Variants in ZPBP observed in about 807,000 individuals in gnomAD.
The protein encoded by ZPBP is zona pellucida-binding protein 1.
A neutral mutation model predicts 44.8 loss-of-function variants in ZPBP; 26 were observed. The ratio of observed to expected loss-of-function variants is 0.58; its 90% CI spans 0.43 to 0.81. The LOEUF (loss-of-function observed/expected upper bound fraction) is 0.81, where lower values mean the gene tolerates loss of function less well. Among genes scored for constraint, ZPBP ranks in the 30% least tolerant of loss-of-function variants. The pLI is 0.00. For synonymous variants in ZPBP, 174 were observed against 153.2 expected, an observed-to-expected ratio of 1.14 and a Z score of -1.00; for missense variants, 409 against 434.0, an observed-to-expected ratio of 0.94 and a Z score of 0.51.
chr7:50,092,992 C>A (rs1408243128), intron 1 of ZPBP, 76 bp downstream of exon 1: 3 of 1,543,316 alleles, frequency 1.9e-6, no homozygotes, highest in Non-Finnish European at 1.7e-6. Flanking sequence ...GCACGTGACA[C>A]AAGAAAAGGC....
At chr7:49,943,315 TG>T in intron 7 of ZPBP, 1 of 285,714 alleles carries the variant, frequency 3.5e-6, no homozygotes, top group South Asian at 3.6e-5. Flanking sequence ...GCACAATGTC[TG>T]TCTTCAAGTC....
At chr7:49,843,865 GA>G in the ZPBP span, among the ~76,000 whole-genome samples, 1 of 152,090 alleles carries the variant, frequency 6.6e-6, no homozygotes. Context: ...AGGATGAATG[GA>G]AAAAAGAAGA....
intron 7 of ZPBP, chr7:49,942,389 C>A: frequency 6.2e-6 from 1 of 162,052 alleles, no homozygotes; most frequent in Non-Finnish European, 1.4e-5. Context: ...CTGTACTGCT[C>A]ACTTCCATTC....
intron 1 of ZPBP, among the ~76,000 whole-genome samples, chr7:49,911,081 C>T (rs10273558): frequency 6.6e-6 from 1 of 152,246 alleles, no homozygotes; most frequent in South Asian, 2.1e-4. Flanking sequence ...CTTTGAAGGT[C>T]TTAGTTATGC....
chr7:49,970,465 ACTTTTTTTTTTTTTTTTTTTTTTTTTTTT>A, intron 7 of ZPBP, among the ~76,000 whole-genome samples: 2 of 119,344 alleles, frequency 1.7e-5, no homozygotes, highest in African/African-American at 6.7e-5. Context: ...AGCTGAATAT[ACTTTTTTTTTTTTTTTTTTTTTTTTTTTT>A]TTTTTTTTTT....
chr7:50,047,165 A>C (rs1800413539), intron 4 of ZPBP, among the ~76,000 whole-genome samples: 1 of 152,062 alleles, frequency 6.6e-6, no homozygotes, highest in South Asian at 2.1e-4. Context: ...GAGCTAGGGG[A>C]GGGATAGCAT....
intron 7 of ZPBP, among the ~76,000 whole-genome samples, chr7:49,976,733 A>G (rs1379032777): frequency 6.6e-6 from 1 of 152,180 alleles, no homozygotes; most frequent in East Asian, 1.9e-4. Context: ...TCTTCATGAT[A>G]TTGTTAATTC....
In ZPBP at chr7:49,856,289, A is replaced by G. The variant is rs572565408; in HGVS notation, n.510-5775T>C. On this transcript the variant is annotated intron_variant and non_coding_transcript_variant, in intron 2 of 2. Transcript: ENST00000465922. ...CCCCTTGGTAATGAGTGGGTTCTCA[A>G]TCTATTATCTCAAGTGAAATCTGGT... 3.3e-4 allele frequency among the ~76,000 whole-genome samples: 50 copies of G among 152,204 alleles called. 1 individual carries two copies. The South Asian group carries it at 9.6e-3, about 29-fold the overall frequency.
In ZPBP at chr7:49,922,678, G is replaced by GA. The variant is rs1794072586; in HGVS notation, n.411+13072dup. 2.0e-5 allele frequency among the ~76,000 whole-genome samples: 3 copies of GA among 152,116 alleles called. No individual in the cohort carries two copies. In the South Asian group the frequency reaches 6.2e-4, roughly 32 times the overall value. ...GAATAGCACTTTTTGACATTTCATG[G>GA]AAAAAATGGAGCAAAATTTAGAGTC... On this transcript the variant is annotated intron_variant and non_coding_transcript_variant, in intron 1 of 2. Transcript: ENST00000465922.
intron 1 of ZPBP, chr7:49,912,295 T>C: frequency 8.6e-7 from 1 of 1,167,388 alleles, no homozygotes; most frequent in Non-Finnish European, 1.2e-6. Flanking sequence ...TGAGGAATAA[T>C]GGAAAATTGT....
At chr7:50,052,469 T>C (rs1345098023) in intron 4 of ZPBP, among the ~76,000 whole-genome samples, 1 of 152,276 alleles carries the variant, frequency 6.6e-6, no homozygotes, top group African/African-American at 2.4e-5. Context: ...GGTGGAGACA[T>C]GGAGTAACTG....
At chr7:50,063,611 A>T (rs1291181035) in intron 3 of ZPBP, among the ~76,000 whole-genome samples, 1 of 150,382 alleles carries the variant, frequency 6.6e-6, no homozygotes, top group African/African-American at 2.4e-5. Context: ...TTTTTTTTTT[A>T]AACAAAGAAT....
At chr7:49,987,097 C>T (rs1797321905) in intron 6 of ZPBP, among the ~76,000 whole-genome samples, 1 of 152,126 alleles carries the variant, frequency 6.6e-6, no homozygotes, top group South Asian at 2.1e-4. Flanking sequence ...TTTGTTGATT[C>T]TCTTCCCCTC....
At chr7:50,030,482 T>A (rs1196843783) in intron 5 of ZPBP, among the ~76,000 whole-genome samples, 1 of 145,578 alleles carries the variant, frequency 6.9e-6, no homozygotes, top group Non-Finnish European at 1.5e-5. Context: ...CAAACTCTGA[T>A]AGCAGAGAAA....
At chr7:49,847,043 T>C (rs189158415), downstream of ZPBP, among the ~76,000 whole-genome samples, 12 of 152,302 alleles carry the variant, frequency 7.9e-5, no homozygotes, top group African/African-American at 2.9e-4. Context: ...CTGTGTCAAA[T>C]TGGGATGTCT....
chr7:50,004,745 A>C (rs976278380), intron 6 of ZPBP, among the ~76,000 whole-genome samples: 2 of 152,108 alleles, frequency 1.3e-5, no homozygotes, highest in African/African-American at 4.8e-5. Context: ...TGAAATTAGC[A>C]TCTGTGGAGG....
At position 49,983,862 on chromosome 7, in the gene ZPBP, T is replaced by C. The variant is rs574628171; in HGVS notation, c.784-343A>G. ...ATGTAATGTACTTTAAAATAATATA[T>C]TATAAGCATCTGTAAGAAGCTTATC... On this transcript the variant is annotated intron_variant, in intron 6 of 7. Coordinates refer to ENST00000046087, the MANE Select transcript of ZPBP (RefSeq NM_007009.3). 2.0e-5 allele frequency among the ~76,000 whole-genome samples: 3 copies of C among 152,146 alleles called. No individual in the cohort carries two copies. The East Asian group carries it at 5.8e-4, about 29-fold the overall frequency.
chr7:49,955,597 A>G (rs1332438087), intron 7 of ZPBP, among the ~76,000 whole-genome samples: 4 of 152,108 alleles, frequency 2.6e-5, no homozygotes, highest in Non-Finnish European at 4.4e-5. Flanking sequence ...TAATTTTCAG[A>G]TAAGAAAGGA....
intron 2 of ZPBP, among the ~76,000 whole-genome samples, chr7:49,855,483 C>T (rs138179839): frequency 5.1e-4 from 77 of 152,160 alleles, no homozygotes; most frequent in Admixed American, 9.8e-4. Flanking sequence ...TTGGGTATTT[C>T]CCAGGTGAAA....
Sources: gnomAD v4.1 joint callset for allele counts (sites outside exome capture counted in the v4.1 genomes callset) on GRCh38, gnomAD v4.1.1 for gene constraint, MANE v1.5 for transcripts, NCBI Gene and HGNC (gene_info 2026-07-23, HGNC 2026-07-21) for gene names.